PLXNA4: variants seen among roughly 807,000 people sequenced by gnomAD.
The protein encoded by PLXNA4 is plexin A4.
In PLXNA4, 44 loss-of-function variants were observed where a neutral mutation model predicts 191.8. That is an observed-to-expected ratio of 0.23 (90% CI 0.18 to 0.29). PLXNA4 has a LOEUF of 0.29. PLXNA4 is among the 10% of genes least tolerant of loss of function. The pLI, the probability that PLXNA4 is intolerant of heterozygous loss-of-function variation, is 1.00. For missense variants in PLXNA4, 1,800 were observed against 2,488.8 expected (o/e 0.72, Z 5.89); for synonymous variants, 1,082 against 1,009.5 (o/e 1.07, Z -1.36).
At chr7:132,618,395 T>C (rs947161452) in intron 2 of PLXNA4, among the ~76,000 whole-genome samples, 1 of 151,042 alleles carries the variant, frequency 6.6e-6, no homozygotes, top group African/African-American at 2.4e-5. Context: ...AGAGGCCATG[T>C]TCATTCTGTC....
At chr7:132,219,952 A>C (rs1346575374) in intron 9 of PLXNA4, among the ~76,000 whole-genome samples, 1 of 152,242 alleles carries the variant, frequency 6.6e-6, no homozygotes, top group Non-Finnish European at 1.5e-5. Context: ...AAGCTACAGC[A>C]CATAGGTCTG....
intron 4 of PLXNA4, among the ~76,000 whole-genome samples, chr7:132,291,305 G>T (rs538946776): frequency 6.6e-6 from 1 of 152,250 alleles, no homozygotes; most frequent in East Asian, 1.9e-4. Flanking sequence ...ATCTTTAAAA[G>T]AGCACTCCCC....
intron 3 of PLXNA4, among the ~76,000 whole-genome samples, chr7:132,375,290 C>G (rs1457468034): frequency 6.6e-6 from 1 of 152,220 alleles, no homozygotes. Flanking sequence ...CCGCCCCCCC[C>G]CACGCCCCAG....
At position 132,386,757 on chromosome 7, in the gene PLXNA4, G is replaced by A. The variant is rs374083047; in HGVS notation, c.1372-88535C>T. ...TGAGGATATTCCAGGGACCTGGCTC[G>A]AGAGCCTCAGCAGGGATCATGTTCC... On this transcript the variant is annotated intron_variant, in intron 3 of 31. Transcript: ENST00000321063. 5.3e-5 allele frequency among the ~76,000 whole-genome samples: 8 copies of A among 152,302 alleles called. No individual in the cohort carries two copies. In the East Asian group the frequency reaches 9.6e-4, roughly 18 times the overall value.
intron 9 of PLXNA4, 76 bp from the exon 10 acceptor site, chr7:132,211,219 G>A: frequency 4.2e-6 from 6 of 1,444,710 alleles, no homozygotes; most frequent in Non-Finnish European, 5.6e-6. Flanking sequence ...ACATAACCCG[G>A]ATGTTCCCTG....
At chr7:132,560,472 T>A (rs1800991660) in intron 1 of PLXNA4, among the ~76,000 whole-genome samples, 1 of 152,124 alleles carries the variant, frequency 6.6e-6, no homozygotes, top group Admixed American at 6.5e-5. Flanking sequence ...TCTAGGTGGA[T>A]CTTCTTGCTT....
chr7:132,149,579 GA>G (rs1795534950), intron 25 of PLXNA4, among the ~76,000 whole-genome samples: 1 of 152,166 alleles, frequency 6.6e-6, no homozygotes, highest in Non-Finnish European at 1.5e-5. Context: ...TACCAGAAAG[GA>G]AAAACAGCCT....
intron 9 of PLXNA4, among the ~76,000 whole-genome samples, chr7:132,213,555 T>C (rs1584853932): frequency 6.6e-6 from 1 of 152,172 alleles, no homozygotes; most frequent in East Asian, 1.9e-4. Flanking sequence ...AGCTCCATCC[T>C]GTGCCCCCCA....
intron 1 of PLXNA4, among the ~76,000 whole-genome samples, chr7:132,557,855 T>G (rs1800870000): frequency 6.6e-6 from 1 of 152,086 alleles, no homozygotes; most frequent in South Asian, 2.1e-4. Context: ...TGTTTCAGGA[T>G]GTGTAATGCC....
chr7:132,270,368 A>G (rs1230482520), intron 4 of PLXNA4, among the ~76,000 whole-genome samples: 1 of 152,206 alleles, frequency 6.6e-6, no homozygotes, highest in African/African-American at 2.4e-5. Context: ...GCAAGAAACA[A>G]ATTATTCAAT....
At chr7:132,225,526 G>T (rs11760766) in intron 8 of PLXNA4, among the ~76,000 whole-genome samples, 106,884 of 151,922 alleles carry the variant, frequency 0.7, 38,390 homozygotes, top group African/African-American at 0.86. Context: ...CCAGAGCCTC[G>T]GCCCTCCCCA....
intron 14 of PLXNA4, among the ~76,000 whole-genome samples, chr7:132,190,339 C>T (rs1174098169): frequency 5.9e-5 from 9 of 152,216 alleles, no homozygotes; most frequent in African/African-American, 2.2e-4. Flanking sequence ...GCAGATGAGA[C>T]TTTCCAATGT....
Position 132,148,617 on chromosome 7 carries a change from T to A in PLXNA4, c.4690A>T (p.Ile1564Phe). 1 of 1,614,152 alleles carries A rather than the reference T, an allele frequency of 6.2e-7. No homozygotes were observed. Among genetic ancestry groups the A allele is most frequent in the Non-Finnish European group, 8.5e-7 (1 of 1,180,014 alleles). Residue 1564 changes from isoleucine (I) to phenylalanine (F), a missense_variant, in exon 26 of 32, where the codon ATC becomes TTC. By Grantham distance (21) the Ile-to-Phe change is conservative. Around this residue, in one of 6 missense-constraint regions of PLXNA4, gnomAD observed 214 missense variants for 298.2 expected, o/e 0.72. Transcript: ENST00000321063. The stretch of plus-strand genomic sequence containing the variant: ...GTGGTGATGTCTTCATCCTGCAAGA[T>A]CATCCTTGCCCCACTTCCTTGTCGC... ...EWRQGSGARM[I>F]LQDEDITTKI...
rs140482828 is a variant in PLXNA4, at chr7:132,384,847, T to C, written c.1372-86625A>G. The C allele has an allele frequency of 1.5e-5, 18 of 1,165,362 alleles. No individual in the cohort carries two copies. The African/African-American group carries it at 2.9e-4, about 19-fold the overall frequency. The allele number at this position is 1,165,362 out of a possible 1,614,324, so 72.2% of individuals were successfully genotyped here. A position where few individuals can be genotyped will look rare whatever the true frequency, so the allele number is the denominator to read the frequency against. Reference sequence around the variant, plus strand: ...AGATGAGCATAAGGTTATCCTACCATATATCAGGCCCAAGAGATAACTATA... The same window carrying C: ...AGATGAGCATAAGGTTATCCTACCACATATCAGGCCCAAGAGATAACTATA... On this transcript the variant is annotated intron_variant, in intron 3 of 31. Transcript: ENST00000321063.
chr7:132,633,947 G>A (rs543489256), intron 2 of PLXNA4, among the ~76,000 whole-genome samples: 97 of 150,494 alleles, frequency 6.4e-4, no homozygotes, highest in Middle Eastern at 6.9e-3. Flanking sequence ...ACACACACAC[G>A]CACATGCACC....
intron 5 of PLXNA4, among the ~76,000 whole-genome samples, chr7:132,233,948 T>C (rs1263077813): frequency 2.6e-5 from 4 of 152,188 alleles, no homozygotes; most frequent in South Asian, 4.1e-4. Flanking sequence ...ATGTAGCAGC[T>C]GCCAAAAGAG....
intron 4 of PLXNA4, among the ~76,000 whole-genome samples, chr7:132,278,164 A>G (rs1050728212): frequency 2.0e-5 from 3 of 152,268 alleles, no homozygotes; most frequent in African/African-American, 7.2e-5. Flanking sequence ...AATCTGTTCT[A>G]TGAACACATG....
chr7:132,588,245 C>A (rs1436102379), intron 2 of PLXNA4, among the ~76,000 whole-genome samples: 4 of 152,128 alleles, frequency 2.6e-5, no homozygotes, highest in Admixed American at 2.6e-4. Context: ...GGACATTCTG[C>A]AAACTAAAAA....
At chr7:132,358,551 T>C (rs1193562379) in intron 3 of PLXNA4, among the ~76,000 whole-genome samples, 3 of 152,214 alleles carry the variant, frequency 2.0e-5, no homozygotes, top group Non-Finnish European at 2.9e-5. Context: ...ATAGAATCTT[T>C]GGGTATGGCC....
Sources: gnomAD v4.1 joint callset for allele counts (sites outside exome capture counted in the v4.1 genomes callset) on GRCh38, gnomAD v4.1.1 for gene constraint, gnomAD v4.1.1 regional missense constraint, MANE v1.5 for transcripts, NCBI Gene and HGNC (gene_info 2026-07-23, HGNC 2026-07-21) for gene names.